DSC3: variants seen among roughly 807,000 people sequenced by gnomAD.
DSC3 encodes the protein desmocollin-3.
A neutral mutation model predicts 89.5 loss-of-function variants in DSC3; 97 were observed. The ratio of observed to expected loss-of-function variants is 1.08; its 90% CI spans 0.92 to 1.28. DSC3 has a LOEUF of 1.28. Ranked by LOEUF, DSC3 falls within the 50% of genes most tolerant of loss-of-function variation. DSC3 has a pLI of 0.00. For missense variants in DSC3, 1,199 were observed against 1,085.3 expected, an observed-to-expected ratio of 1.10 and a Z score of -1.47; for synonymous variants, 436 against 384.1, an observed-to-expected ratio of 1.14 and a Z score of -1.58.
rs758357591 is a variant in DSC3 at position 31,031,041 on chromosome 18, T to C, written c.286A>G (p.Ile96Val). 31 of 1,614,086 alleles carry C rather than the reference T, an allele frequency of 1.9e-5. No homozygotes were observed. In the South Asian group the frequency reaches 3.0e-4, roughly 15 times the overall value. Residue 96 changes from isoleucine to valine, a missense_variant, in exon 3 of 16, where the codon ATA (isoleucine) becomes GTA (valine). Physicochemically the swap from Ile to Val is conservative, Grantham distance 29. Transcript: ENST00000360428. The part of the protein sequence containing the change: ...ALSDKKRSFT[I>V]WLSDKRKQTQ... ...TGTTTCCTTTTGTCAGAAAGCCATATGGTAAATGATCTTTTCTTATCAGAC... is the reference window on the plus strand; with the variant it reads ...TGTTTCCTTTTGTCAGAAAGCCATACGGTAAATGATCTTTTCTTATCAGAC...
chr18:31,014,653 G>A (rs1357696096), intron 9 of DSC3, among the ~76,000 whole-genome samples: 2 of 152,086 alleles, frequency 1.3e-5, no homozygotes, highest in African/African-American at 2.4e-5. Flanking sequence ...AATAATAAAT[G>A]TTAGCCATTA....
intron 4 of DSC3, 148 bp downstream of exon 4, chr18:31,029,361 A>G (rs1366462051): frequency 1.0e-6 from 1 of 978,814 alleles, no homozygotes; most frequent in African/African-American, 1.7e-5. Flanking sequence ...GGTTTTTAGT[A>G]ATTTTCTTTC....
intron 9 of DSC3, among the ~76,000 whole-genome samples, chr18:31,016,827 T>G (rs1598540887): frequency 6.6e-6 from 1 of 152,170 alleles, no homozygotes; most frequent in East Asian, 1.9e-4. Context: ...TCTACATGGT[T>G]TCTTGTATGG....
chr18:31,003,747 G>A (rs1174693057), intron 13 of DSC3, among the ~76,000 whole-genome samples: 2 of 152,202 alleles, frequency 1.3e-5, no homozygotes, highest in Non-Finnish European at 2.9e-5. Flanking sequence ...GCTGAGAACA[G>A]AACATCTCCC....
chr18:31,040,811 A>G (rs923309892), intron 1 of DSC3, among the ~76,000 whole-genome samples: 7 of 152,152 alleles, frequency 4.6e-5, no homozygotes, highest in Non-Finnish European at 1.0e-4. Flanking sequence ...TGAAAAGTTG[A>G]GAGTCGTATG....
intron 6 of DSC3, 70 bp from the exon 7 acceptor site, chr18:31,022,572 A>T: frequency 1.3e-6 from 2 of 1,542,326 alleles, no homozygotes; most frequent in Middle Eastern, 3.4e-4. Context: ...AGTATCTACA[A>T]TCTTAAAATG....
intron 7 of DSC3, 31 bp downstream of exon 7, chr18:31,022,305 G>T (rs758043752): frequency 1.9e-6 from 3 of 1,613,472 alleles, no homozygotes; most frequent in Non-Finnish European, 2.5e-6. Context: ...AATCCTCAGC[G>T]AAATGAAATT....
chr18:31,025,644 C>A lies in DSC3; in HGVS notation c.630+116G>T, dbSNP rs539841772. On this transcript the variant is annotated intron_variant, in intron 5 of 15. Coordinates refer to ENST00000360428, the MANE Select transcript of DSC3 (RefSeq NM_001941.5). ...TGTTGCACATTCTATTTCCCATTGACTCTAAGATACCCTCTAAGAAGAGAA... is the reference window on the plus strand; with the variant it reads ...TGTTGCACATTCTATTTCCCATTGAATCTAAGATACCCTCTAAGAAGAGAA... 56 of 1,137,394 alleles carry A rather than the reference C, an allele frequency of 4.9e-5. No homozygotes were observed. In the African/African-American group the frequency reaches 7.9e-4, roughly 16 times the overall value. 70.5% of individuals were successfully genotyped at this position (1,137,394 alleles called of 1,614,324 possible). A position where few individuals can be genotyped will look rare whatever the true frequency, so the allele number is the denominator to read the frequency against.
intron 4 of DSC3, among the ~76,000 whole-genome samples, chr18:31,026,577 G>A (rs1985606290): frequency 6.6e-6 from 1 of 152,092 alleles, no homozygotes; most frequent in Admixed American, 6.6e-5. Flanking sequence ...GTGGTGAGAA[G>A]TGGTTAGATT....
chr18:31,022,130 A>G (rs1016499128), intron 7 of DSC3, among the ~76,000 whole-genome samples: 2 of 152,186 alleles, frequency 1.3e-5, no homozygotes, highest in Non-Finnish European at 2.9e-5. Flanking sequence ...CTAAATGCCA[A>G]TTGATCTGCG....
intron 9 of DSC3, among the ~76,000 whole-genome samples, chr18:31,011,175 G>T (rs1567953781): frequency 6.6e-6 from 1 of 152,200 alleles, no homozygotes; most frequent in Non-Finnish European, 1.5e-5. Context: ...CATTGGGAAA[G>T]TTATTTAGTC....
intron 13 of DSC3, 61 bp downstream of exon 13, chr18:31,004,081 C>A (rs1984752863): frequency 2.5e-5 from 34 of 1,335,134 alleles, no homozygotes; most frequent in Non-Finnish European, 3.4e-5. Flanking sequence ...TTTTAAACAT[C>A]TTTTCCCACA....
intron 1 of DSC3, among the ~76,000 whole-genome samples, chr18:31,035,969 G>A (rs1330088243): frequency 6.6e-6 from 1 of 151,996 alleles, no homozygotes; most frequent in African/African-American, 2.4e-5. Flanking sequence ...TCATCCAACA[G>A]TATGTTTGAG....
At chr18:31,029,086 A>G (rs990142256) in intron 4 of DSC3, among the ~76,000 whole-genome samples, 2 of 152,116 alleles carry the variant, frequency 1.3e-5, no homozygotes, top group African/African-American at 4.8e-5. Flanking sequence ...TGTTCATCTC[A>G]TTTGTTACCA....
At chr18:30,997,466 A>G (rs1364624929) in intron 14 of DSC3, among the ~76,000 whole-genome samples, 1 of 152,132 alleles carries the variant, frequency 6.6e-6, no homozygotes, top group Admixed American at 6.5e-5. Flanking sequence ...ACCCATTCTC[A>G]TGATAAGGAC....
Position 30,996,906 on chromosome 18 carries a change from C to T in DSC3, c.2378G>A (p.Arg793Gln), listed in dbSNP as rs138126171. ...KGGNQTLESCRGAGHHHTLDS... is the reference protein window; with the variant it reads ...KGGNQTLESCQGAGHHHTLDS... ...CAGGGTATGATGATGCCCAGCCCCCCGGCAGGATTCCAAGGTCTGGTTTCC... is the reference window on the plus strand; with the variant it reads ...CAGGGTATGATGATGCCCAGCCCCCTGGCAGGATTCCAAGGTCTGGTTTCC... The change falls in exon 15 of 16, where the codon CGG becomes CAG. Residue 793 changes from arginine to glutamine, a missense_variant. Arg to Gln is a conservative substitution (Grantham distance 43, BLOSUM62 1). Coordinates refer to ENST00000360428, the MANE Select transcript of DSC3 (RefSeq NM_001941.5). The T allele has an allele frequency of 2.6e-5, 42 of 1,613,906 alleles. No homozygotes were observed. Among genetic ancestry groups the T allele is most frequent in the African/African-American group, 1.9e-4 (14 of 74,860 alleles).
intron 3 of DSC3, 108 bp downstream of exon 3, chr18:31,030,865 G>T: frequency 9.6e-7 from 1 of 1,039,664 alleles, no homozygotes; most frequent in Non-Finnish European, 1.4e-6. Context: ...GAAACAAAAT[G>T]AAAACAAAAG....
At chr18:31,033,673 G>A (rs1032264313) in intron 1 of DSC3, among the ~76,000 whole-genome samples, 1 of 152,100 alleles carries the variant, frequency 6.6e-6, no homozygotes, top group Non-Finnish European at 1.5e-5. Context: ...TATGATGTTG[G>A]GTTAGGAAAT....
rs142419857 is a variant in DSC3, at chr18:31,001,813, C to T, written c.2114-74G>A. ...TAAAATAATCATCATTTATTTCTTACGACCTAAGGATCAAAGTGGAAAATA... is the reference window on the plus strand; with the variant it reads ...TAAAATAATCATCATTTATTTCTTATGACCTAAGGATCAAAGTGGAAAATA... On this transcript the variant is annotated intron_variant, in intron 13 of 15. Transcript: ENST00000360428. 2,103 of 1,226,648 alleles carry T rather than the reference C, an allele frequency of 1.7e-3. 3 individuals carry two copies. Among genetic ancestry groups the T allele is most frequent in the Admixed American group, 2.1e-3 (88 of 41,616 alleles). The allele number at this position is 1,226,648 out of a possible 1,614,324, so 76.0% of individuals were successfully genotyped here.
Sources: allele counts gnomAD v4.1 joint callset (sites outside exome capture counted in the v4.1 genomes callset), GRCh38; gene constraint gnomAD v4.1.1; transcripts MANE v1.5; gene names NCBI Gene and HGNC (gene_info 2026-07-23, HGNC 2026-07-21).